The following CMIP variants were observed in gnomAD, a reference collection of about 807,000 sequenced individuals.
CMIP encodes the protein c-Maf inducing protein.
Under a neutral mutation model 97.3 loss-of-function variants are expected in CMIP, and 13 were observed. The observed-to-expected ratio is 0.13, with a 90% CI of 0.09 to 0.21. The LOEUF is 0.21. CMIP is among the 10% of genes least tolerant of loss of function. The pLI, the probability that CMIP is intolerant of heterozygous loss-of-function variation, is 1.00. For synonymous variants in CMIP, 538 were observed against 436.3 expected, an observed-to-expected ratio of 1.23 and a Z score of -2.91; for missense variants, 847 against 1,024.9, an observed-to-expected ratio of 0.83 and a Z score of 2.37.
chr16:81,700,352 G>A (rs938930410), intron 15 of CMIP, among the ~76,000 whole-genome samples: 1 of 152,056 alleles, frequency 6.6e-6, no homozygotes, highest in African/African-American at 2.4e-5. Flanking sequence ...ACCTGCTGCT[G>A]CTCCTCTCTC....
chr16:81,615,571 G>A (rs1203285318), intron 2 of CMIP, among the ~76,000 whole-genome samples: 8 of 148,432 alleles, frequency 5.4e-5, no homozygotes, highest in Admixed American at 3.4e-4. Context: ...TGGTGCGTGT[G>A]TGTATAGTGT....
chr16:81,598,058 C>T (rs965155907), intron 1 of CMIP, among the ~76,000 whole-genome samples: 2 of 152,136 alleles, frequency 1.3e-5, no homozygotes, highest in Non-Finnish European at 2.9e-5. Context: ...TTCTGAGTCT[C>T]GGTTTCCTCA....
intron 10 of CMIP, among the ~76,000 whole-genome samples, chr16:81,690,460 ACCAAGG>A (rs1341675269): frequency 6.6e-6 from 1 of 152,226 alleles, no homozygotes; most frequent in African/African-American, 2.4e-5. Context: ...AGAAGTATCC[ACCAAGG>A]CCAGGCATGG....
chr16:81,525,045 C>T (rs2090103404), intron 1 of CMIP, among the ~76,000 whole-genome samples: 1 of 152,178 alleles, frequency 6.6e-6, no homozygotes, highest in South Asian at 2.1e-4. Flanking sequence ...ATCCGCCCAC[C>T]TCGGCCTCCC....
At chr16:81,447,127 T>G (rs2150725110) in intron 1 of CMIP, among the ~76,000 whole-genome samples, 1 of 151,832 alleles carries the variant, frequency 6.6e-6, no homozygotes, top group East Asian at 1.9e-4. Context: ...CAGTACGGAG[T>G]GTTTCTGATG....
intron 1 of CMIP, among the ~76,000 whole-genome samples, chr16:81,603,033 T>C (rs1331873080): frequency 2.0e-5 from 3 of 152,216 alleles, no homozygotes; most frequent in Non-Finnish European, 4.4e-5. Flanking sequence ...AAGCCTCCCG[T>C]GTTCCTGCCC....
intron 1 of CMIP, among the ~76,000 whole-genome samples, chr16:81,599,439 A>G (rs557312290): frequency 1.3e-5 from 2 of 152,318 alleles, no homozygotes; most frequent in East Asian, 3.9e-4. Context: ...ATGAGCATCC[A>G]TGGGTTTCTG....
chr16:81,636,635 G>A (rs1406648739), intron 3 of CMIP, among the ~76,000 whole-genome samples: 1 of 151,450 alleles, frequency 6.6e-6, no homozygotes, highest in African/African-American at 2.4e-5. Context: ...GAATCCTGGG[G>A]AAAGATACAA....
At chr16:81,478,931 G>T (rs1398613644) in intron 1 of CMIP, among the ~76,000 whole-genome samples, 1 of 152,160 alleles carries the variant, frequency 6.6e-6, no homozygotes. Context: ...GTTCATTGGA[G>T]CTCAGTTGGA....
chr16:81,486,249 G>T (rs1005572051), intron 1 of CMIP, among the ~76,000 whole-genome samples: 1 of 152,224 alleles, frequency 6.6e-6, no homozygotes, highest in Admixed American at 6.5e-5. Flanking sequence ...GTGGCTGTGA[G>T]ATCTGGAGTT....
intron 1 of CMIP, among the ~76,000 whole-genome samples, chr16:81,564,821 G>A (rs1363750876): frequency 6.6e-6 from 1 of 152,208 alleles, no homozygotes; most frequent in Non-Finnish European, 1.5e-5. Context: ...ACGTGGGAAT[G>A]AATAAAACAT....
chr16:81,613,790 C>T (rs149954397), intron 2 of CMIP, among the ~76,000 whole-genome samples: 20 of 152,336 alleles, frequency 1.3e-4, no homozygotes, highest in Admixed American at 7.8e-4. Flanking sequence ...ATCCATCCAT[C>T]TATCCGCCCA....
intron 1 of CMIP, among the ~76,000 whole-genome samples, chr16:81,548,402 G>T (rs1188706281): frequency 1.3e-5 from 2 of 152,086 alleles, no homozygotes; most frequent in Non-Finnish European, 1.5e-5. Context: ...CTCCCAAAGT[G>T]CTGGGATTAC....
rs1345656945 is a variant in CMIP at position 81,691,733 on chromosome 16, C to G, written c.1389-42C>G. 3 of 1,581,444 alleles carry G rather than the reference C, an allele frequency of 1.9e-6. No homozygotes were observed. The South Asian group carries it at 3.3e-5, about 18-fold the overall frequency. ...ACCAAAAACAGTGCCATAAACCTTC[C>G]TTGTCCCAACCAAAGCTGACTGTCA... On this transcript the variant is annotated intron_variant, in intron 10 of 20. Transcript: ENST00000537098.
chr16:81,654,749 G>A (rs2092464732), intron 4 of CMIP, among the ~76,000 whole-genome samples: 1 of 152,188 alleles, frequency 6.6e-6, no homozygotes, highest in African/African-American at 2.4e-5. Context: ...GCTTACACAG[G>A]GCCAGTCAGA....
At chr16:81,452,680 C>T (rs954537727) in intron 1 of CMIP, among the ~76,000 whole-genome samples, 14 of 151,974 alleles carry the variant, frequency 9.2e-5, no homozygotes, top group African/African-American at 3.4e-4. Context: ...TGGAAATCAC[C>T]CAGTAAAGTG....
chr16:81,502,146 G>T (rs1054499602), intron 1 of CMIP, among the ~76,000 whole-genome samples: 1 of 152,162 alleles, frequency 6.6e-6, no homozygotes, highest in Non-Finnish European at 1.5e-5. Flanking sequence ...GTTAAGTAAC[G>T]TACCCAGCTG....
At position 81,509,756 on chromosome 16, in the gene CMIP, C is replaced by T. The variant is rs367656020; in HGVS notation, c.300+64215C>T. On this transcript the variant is annotated intron_variant, in intron 1 of 20. Transcript: ENST00000537098. Reference sequence around the variant, plus strand: ...AGATGTCTCTTGAGGCCTACCTGCCCCAGCTGCACATCCTTGGGGCTGGGT... The same window carrying T: ...AGATGTCTCTTGAGGCCTACCTGCCTCAGCTGCACATCCTTGGGGCTGGGT... Among the ~76,000 whole-genome samples, 4 of 152,270 alleles carry T rather than the reference C, an allele frequency of 2.6e-5. No homozygotes were observed. The East Asian group carries it at 5.8e-4, about 22-fold the overall frequency.
intron 1 of CMIP, among the ~76,000 whole-genome samples, chr16:81,558,426 C>T (rs60221524): frequency 0.12 from 17,541 of 152,216 alleles, 1,128 homozygotes; most frequent in East Asian, 0.28. Context: ...AGCTCTTCTC[C>T]GGTTAAGTTT....
Sources: allele counts gnomAD v4.1 joint callset (sites outside exome capture counted in the v4.1 genomes callset), GRCh38; gene constraint gnomAD v4.1.1; transcripts MANE v1.5; gene names NCBI Gene and HGNC (gene_info 2026-07-23, HGNC 2026-07-21).